MATR3: variants seen among roughly 807,000 people sequenced by gnomAD.
MATR3 encodes the protein matrin-3.
Under a neutral mutation model 85.5 loss-of-function variants are expected in MATR3, and 4 were observed. That is an observed-to-expected ratio of 0.05 (90% CI 0.02 to 0.11). MATR3 has a LOEUF of 0.11. Ranked by LOEUF, MATR3 falls within the 10% of genes least tolerant of loss-of-function variation. The pLI is 1.00. For missense variants in MATR3, 685 were observed against 1,016.1 expected (o/e 0.67, Z 4.43); for synonymous variants, 336 against 343.1 (o/e 0.98, Z 0.23).
chr5:139,318,844 C>CT, intron 7 of MATR3, 64 bp from the exon 8 acceptor site: 1 of 1,519,336 alleles, frequency 6.6e-7, no homozygotes. Context: ...GAAAAAAAAT[C>CT]TTTAGTTCAA....
chr5:139,299,531 C>T (rs1271731198), intron 1 of MATR3, among the ~76,000 whole-genome samples: 1 of 152,004 alleles, frequency 6.6e-6, no homozygotes, highest in Non-Finnish European at 1.5e-5. Flanking sequence ...AAAAATTAGT[C>T]GGGTATAGTG....
intron 1 of MATR3, among the ~76,000 whole-genome samples, chr5:139,305,280 C>T (rs938573847): frequency 2.6e-5 from 4 of 152,088 alleles, no homozygotes; most frequent in African/African-American, 9.7e-5. Context: ...CCACTGTTTT[C>T]CTATGAGCTA....
intron 3 of MATR3, 47 bp downstream of exon 3, chr5:139,314,783 T>C: frequency 6.4e-7 from 1 of 1,562,612 alleles, no homozygotes; most frequent in Non-Finnish European, 8.8e-7. Flanking sequence ...TGAATCAGAA[T>C]CAGCCATTAT....
intron 9 of MATR3, among the ~76,000 whole-genome samples, chr5:139,320,311 A>C (rs910441508): frequency 6.6e-6 from 1 of 152,120 alleles, no homozygotes; most frequent in African/African-American, 2.4e-5. Context: ...CCATCTCAAA[A>C]AAAAAAATTT....
chr5:139,314,653 C>G (rs768930287), intron 2 of MATR3, 22 bp from the exon 3 acceptor site: 6 of 1,606,230 alleles, frequency 3.7e-6, no homozygotes, highest in Admixed American at 3.3e-5. Flanking sequence ...TTTGTTAATT[C>G]TACTAATTTA....
chr5:139,325,314 A>T, intron 12 of MATR3, 126 bp from the exon 13 acceptor site: 2 of 1,564,260 alleles, frequency 1.3e-6, no homozygotes, highest in South Asian at 1.2e-5. Context: ...TCCAGGGAGT[A>T]TGGAAGGTTT....
intron 1 of MATR3, among the ~76,000 whole-genome samples, chr5:139,274,913 G>C (rs1231985799): frequency 6.6e-6 from 1 of 151,504 alleles, no homozygotes; most frequent in African/African-American, 2.4e-5. Context: ...AACAGAGCAA[G>C]ACTCCGTCTA....
rs1474455766 is a variant in MATR3 at position 139,331,544 on chromosome 5, CCT to C, written c.*2152_*2153del. Reference sequence around the variant, plus strand: ...TAACAGCCCTTCGATTACGAGAAAACCTCTTTTTAGTAGGAATGTTTCCACTC... The same window carrying C: ...TAACAGCCCTTCGATTACGAGAAAACCTTTTTAGTAGGAATGTTTCCACTC... On this transcript the variant is annotated 3_prime_UTR_variant, in exon 15 of 15. Transcript: ENST00000394805. The C allele has an allele frequency of 1.8e-5, 8 of 453,974 alleles. No homozygotes were observed. Among genetic ancestry groups the C allele is most frequent in the Admixed American group, 1.2e-4 (5 of 42,548 alleles). The allele number at this position is 453,974 out of a possible 1,614,324, so 28.1% of individuals were successfully genotyped here.
intron 13 of MATR3, among the ~76,000 whole-genome samples, 200 bp downstream of exon 13, chr5:139,325,862 G>T (rs545293800): frequency 6.6e-6 from 1 of 152,190 alleles, no homozygotes; most frequent in African/African-American, 2.4e-5. Context: ...ATTATTTTCT[G>T]TTGTTATTCC....
intron 3 of MATR3, chr5:139,279,231 G>T: frequency 2.2e-6 from 1 of 447,412 alleles, no homozygotes; most frequent in Non-Finnish European, 4.5e-6. Context: ...TAGAGTATCA[G>T]ACTTTTTTTT....
rs778552955 is a variant in MATR3, at chr5:139,329,835, T to G, written c.*440T>G. The G allele has an allele frequency of 4.0e-5, 18 of 454,620 alleles. No individual in the cohort carries two copies. The highest frequency in any genetic ancestry group is 2.8e-4 in the South Asian group (18 of 64,478). The allele number at this position is 454,620 out of a possible 1,614,324, so 28.2% of individuals were successfully genotyped here. A position where few individuals can be genotyped will look rare whatever the true frequency, so the allele number is the denominator to read the frequency against. ...GTTTTAATCTGAGCCTTGCAGACTT[T>G]CATTTGGAGTTTGAACCCGTTTTGG... is the stretch of plus-strand genomic sequence containing the variant. On this transcript the variant is annotated 3_prime_UTR_variant, in exon 15 of 15. Coordinates refer to ENST00000394805, the MANE Select transcript of MATR3 (RefSeq NM_018834.6).
chr5:139,313,534 C>G (rs536897244), intron 2 of MATR3: 9 of 152,206 alleles, frequency 5.9e-5, no homozygotes, highest in Admixed American at 4.6e-4. Context: ...TTTGTAACTT[C>G]TCTTTCTTAC....
intron 1 of MATR3, among the ~76,000 whole-genome samples, chr5:139,303,162 C>T (rs1397920007): frequency 2.0e-5 from 3 of 151,976 alleles, no homozygotes; most frequent in South Asian, 4.1e-4. Context: ...AGTGCAGTGC[C>T]CCAATCTCGG....
At chr5:139,296,285 G>C (rs956510914) in intron 1 of MATR3, among the ~76,000 whole-genome samples, 11 of 152,202 alleles carry the variant, frequency 7.2e-5, no homozygotes, top group African/African-American at 2.4e-4. Context: ...CGTAGGTGAA[G>C]AGTATGATGG....
In MATR3 at chr5:139,314,725, T is replaced by G. The variant is rs759033190; in HGVS notation, c.963T>G (p.Leu321=). ...CAAGTCACAGTCGTCGATGCCAGCT[T>G]CTTCTTGAAATGTAGGAGTTTGAAA... is the stretch of plus-strand genomic sequence containing the variant. ...NGASHSRRCQ[L]LLEIYPEWNP... The change falls in exon 3 of 15, where the codon CTT becomes CTG. Residue 321 remains leucine (L), a synonymous_variant. Coordinates refer to ENST00000394805, the MANE Select transcript of MATR3 (RefSeq NM_018834.6). 9 of 1,613,750 alleles carry G rather than the reference T, an allele frequency of 5.6e-6. No individual in the cohort carries two copies. The highest frequency in any genetic ancestry group is 1.1e-5 in the South Asian group (1 of 91,080).
chr5:139,327,300 TTC>T (rs1484669617), intron 14 of MATR3, among the ~76,000 whole-genome samples: 14 of 149,840 alleles, frequency 9.3e-5, no homozygotes, highest in Non-Finnish European at 1.6e-4. Context: ...TGTGTGTCAC[TTC>T]TGTTTTTTTT....
At chr5:139,313,630 A>G (rs1755106296) in intron 2 of MATR3, 1 of 152,220 alleles carries the variant, frequency 6.6e-6, no homozygotes, top group Non-Finnish European at 1.5e-5. Flanking sequence ...TTCAATTTAA[A>G]GTAAACCATA....
chr5:139,275,640 A>G (rs1753248412), intron 1 of MATR3, among the ~76,000 whole-genome samples: 1 of 152,124 alleles, frequency 6.6e-6, no homozygotes, highest in Non-Finnish European at 1.5e-5. Flanking sequence ...ACAGAGGACT[A>G]TTAGTAATAT....
At chr5:139,322,052 T>A in intron 10 of MATR3, 23 bp downstream of exon 10, 1 of 1,612,570 alleles carries the variant, frequency 6.2e-7, no homozygotes, top group Non-Finnish European at 8.5e-7. Flanking sequence ...TGATTTGTCA[T>A]CATTTAACAG....
Sources: gnomAD v4.1 joint callset for allele counts (sites outside exome capture counted in the v4.1 genomes callset) on GRCh38, gnomAD v4.1.1 for gene constraint, MANE v1.5 for transcripts, NCBI Gene and HGNC (gene_info 2026-07-23, HGNC 2026-07-21) for gene names.